PTPRD: variants seen among roughly 807,000 people sequenced by gnomAD.
PTPRD encodes the protein receptor-type tyrosine-protein phosphatase delta.
A neutral mutation model predicts 214.5 loss-of-function variants in PTPRD; 34 were observed. That is an observed-to-expected ratio of 0.16 (90% CI 0.12 to 0.21). The LOEUF (loss-of-function observed/expected upper bound fraction) is 0.21, where lower values mean the gene tolerates loss of function less well. Ranked by LOEUF, PTPRD falls within the 10% of genes least tolerant of loss-of-function variation. The pLI, the probability that PTPRD is intolerant of heterozygous loss-of-function variation, is 1.00. For synonymous variants in PTPRD, 1,128 were observed against 845.7 expected (o/e 1.33, Z -5.79); for missense variants, 2,545 against 2,398.7 (o/e 1.06, Z -1.27).
intron 4 of PTPRD, among the ~76,000 whole-genome samples, chr9:9,963,298 A>G (rs2094479457): frequency 6.6e-6 from 1 of 152,178 alleles, no homozygotes; most frequent in Non-Finnish European, 1.5e-5. Context: ...CATTACTAAC[A>G]TCTAACACTT....
intron 2 of PTPRD, among the ~76,000 whole-genome samples, chr9:10,413,428 A>G (rs1030244488): frequency 6.6e-6 from 1 of 151,988 alleles, no homozygotes; most frequent in Non-Finnish European, 1.5e-5. Flanking sequence ...CTATGATAAG[A>G]ACTACAAAAT....
At chr9:10,304,893 A>T (rs1459367214) in intron 3 of PTPRD, among the ~76,000 whole-genome samples, 1 of 152,190 alleles carries the variant, frequency 6.6e-6, no homozygotes, top group Non-Finnish European at 1.5e-5. Flanking sequence ...TCTTCACAGA[A>T]TTGGAAAAAA....
intron 2 of PTPRD, among the ~76,000 whole-genome samples, chr9:10,419,316 T>C (rs2098524615): frequency 6.6e-6 from 1 of 151,930 alleles, no homozygotes; most frequent in Admixed American, 6.6e-5. Context: ...CTTTTGTTTC[T>C]AGCACACTGG....
chr9:8,713,414 C>G, intron 12 of PTPRD: 1 of 1,103,576 alleles, frequency 9.1e-7, no homozygotes, highest in Non-Finnish European at 1.4e-6. Flanking sequence ...ATCTTTGCAC[C>G]TAATCGTGTC....
intron 5 of PTPRD, among the ~76,000 whole-genome samples, chr9:9,819,544 T>A (rs758479451): frequency 1.3e-5 from 2 of 152,192 alleles, no homozygotes; most frequent in Non-Finnish European, 2.9e-5. Context: ...ATAGGGTACA[T>A]GTGCAGGTTT....
chr9:8,386,421 G>C lies in PTPRD; in HGVS notation c.4386+2811C>G, dbSNP rs533702369. 1.8e-4 allele frequency among the ~76,000 whole-genome samples: 28 copies of C among 152,182 alleles called. No homozygotes were observed. The South Asian group carries it at 5.6e-3, about 30-fold the overall frequency. ...TAATTCACAGCAGCATTTACAAGAC[G>C]CACACATATTTTCTTCATGTACCAT... On this transcript the variant is annotated intron_variant, in intron 37 of 45. Transcript: ENST00000381196.
chr9:9,373,514 G>A (rs2060059605), intron 9 of PTPRD, among the ~76,000 whole-genome samples: 1 of 152,016 alleles, frequency 6.6e-6, no homozygotes, highest in Non-Finnish European at 1.5e-5. Flanking sequence ...GGGTATTCAG[G>A]ACTGGTTCTT....
chr9:9,942,892 GTTGT>G (rs1226289966), intron 4 of PTPRD, among the ~76,000 whole-genome samples: 88 of 114,110 alleles, frequency 7.7e-4, no homozygotes, highest in African/African-American at 3.3e-3. Flanking sequence ...ATTGCTCTGA[GTTGT>G]TTTTTTTTTT....
intron 5 of PTPRD, among the ~76,000 whole-genome samples, chr9:9,815,405 T>A (rs59475004): frequency 0.02 from 2,979 of 152,182 alleles, 89 homozygotes; most frequent in African/African-American, 0.068. Flanking sequence ...GAACTAAAGC[T>A]ATAAAACTAA....
chr9:9,228,767 C>G (rs1021044397), intron 9 of PTPRD, among the ~76,000 whole-genome samples: 1 of 152,100 alleles, frequency 6.6e-6, no homozygotes. Flanking sequence ...AAGAAGCACA[C>G]ATAAACTATT....
chr9:8,551,418 CTTA>C (rs2082074172), intron 14 of PTPRD, among the ~76,000 whole-genome samples: 1 of 152,134 alleles, frequency 6.6e-6, no homozygotes, highest in Non-Finnish European at 1.5e-5. Context: ...AATCAAAACC[CTTA>C]TTATTATAGA....
rs2097390480 is a variant in PTPRD, at chr9:8,500,923, A to T, written c.1959T>A (p.Asp653Glu). 1 of 1,614,110 alleles carries T rather than the reference A, an allele frequency of 6.2e-7. No homozygotes were observed. The highest frequency in any genetic ancestry group is 2.2e-5 in the East Asian group (1 of 44,870). Residue 653 changes from aspartate (D) to glutamate (E), a missense_variant, in exon 24 of 46, where the codon GAT becomes GAA. Asp to Glu is a conservative substitution (Grantham distance 45, BLOSUM62 2). Transcript: ENST00000381196. ...TCTCGTGAGGCTTGTCATCTTCCCC[A>T]TCCACTGCAGTGTACTTGATGGAGT... ...TEYSIKYTAV[D>E]GEDDKPHEIL...
At chr9:9,053,114 T>A (rs1267349707) in intron 10 of PTPRD, among the ~76,000 whole-genome samples, 1 of 152,210 alleles carries the variant, frequency 6.6e-6, no homozygotes, top group South Asian at 2.1e-4. Flanking sequence ...AGCATATTCA[T>A]TTTTGCTTCC....
chr9:8,330,685 C>CATTATCA lies in PTPRD; in HGVS notation c.5534+890_5534+896dup, dbSNP rs1268080641. ...AGATAACTGAAGTCCAGAGAAACTT[C>CATTATCA]ATTATCATAGAGCCAAATAATAGAA... On this transcript the variant is annotated intron_variant, in intron 44 of 45. Coordinates refer to ENST00000381196, the MANE Select transcript of PTPRD (RefSeq NM_002839.4). Among the ~76,000 whole-genome samples, 7 of 152,100 alleles carry CATTATCA rather than the reference C, an allele frequency of 4.6e-5. No individual in the cohort carries two copies. In the South Asian group the frequency reaches 8.3e-4, roughly 18 times the overall value.
At chr9:9,657,190 T>C (rs763571485) in intron 7 of PTPRD, among the ~76,000 whole-genome samples, 10 of 151,896 alleles carry the variant, frequency 6.6e-5, no homozygotes, top group East Asian at 1.9e-4. Flanking sequence ...CATAATAAAA[T>C]GAAATAAAGT....
intron 3 of PTPRD, among the ~76,000 whole-genome samples, chr9:10,073,282 A>G (rs1441650747): frequency 6.6e-6 from 1 of 152,068 alleles, no homozygotes; most frequent in Non-Finnish European, 1.5e-5. Flanking sequence ...TCAGGAAACA[A>G]TCTCATTAAA....
At chr9:9,634,793 C>G (rs1433358780) in intron 7 of PTPRD, among the ~76,000 whole-genome samples, 2 of 152,140 alleles carry the variant, frequency 1.3e-5, no homozygotes, top group African/African-American at 2.4e-5. Flanking sequence ...TATAATATAA[C>G]ATCCCACTGT....
intron 11 of PTPRD, among the ~76,000 whole-genome samples, chr9:8,827,146 C>G (rs1402594568): frequency 6.7e-6 from 1 of 150,168 alleles, no homozygotes; most frequent in Non-Finnish European, 1.5e-5. Flanking sequence ...TATTATCATA[C>G]TAAATTGCTA....
At chr9:10,456,435 G>C (rs1347039199) in intron 2 of PTPRD, among the ~76,000 whole-genome samples, 1 of 151,858 alleles carries the variant, frequency 6.6e-6, no homozygotes, top group Non-Finnish European at 1.5e-5. Context: ...ATTTTTGTTT[G>C]TTTAAAAGAT....
Sources: allele counts gnomAD v4.1 joint callset (sites outside exome capture counted in the v4.1 genomes callset), GRCh38; gene constraint gnomAD v4.1.1; transcripts MANE v1.5; gene names NCBI Gene and HGNC (gene_info 2026-07-23, HGNC 2026-07-21).